Variants in DVL1 observed in about 807,000 individuals in gnomAD.
DVL1 encodes the protein segment polarity protein dishevelled homolog DVL-1.
Under a neutral mutation model 65.0 loss-of-function variants are expected in DVL1, and 49 were observed. The observed-to-expected ratio is 0.75, with a 90% CI of 0.60 to 0.96. DVL1 has a LOEUF of 0.96. Ranked by LOEUF, DVL1 falls within the 40% of genes least tolerant of loss-of-function variation. The pLI is 0.00. For missense variants in DVL1, 1,197 were observed against 1,045.4 expected (o/e 1.15, Z -2.00); for synonymous variants, 608 against 433.9 (o/e 1.40, Z -4.99).
chr1:1,340,135 T>C lies in DVL1; in HGVS notation c.812A>G (p.Asn271Ser), dbSNP rs1643740544. ...GTAGATGCCGCCGTCTCCACGGTCGTTGCTCTGCCCCACGATGCTGATGCC... is the reference window on the plus strand; with the variant it reads ...GTAGATGCCGCCGTCTCCACGGTCGCTGCTCTGCCCCACGATGCTGATGCC... Reference protein sequence around the residue: ...FLGISIVGQSNDRGDGGIYIG... With the variant: ...FLGISIVGQSSDRGDGGIYIG... Residue 271 changes from asparagine (N) to serine (S), a missense_variant, in exon 8 of 15, where the codon AAC becomes AGC. By Grantham distance (46) the Asn-to-Ser change is conservative. Coordinates refer to ENST00000378888, the MANE Select transcript of DVL1 (RefSeq NM_001330311.2). 3.7e-6 allele frequency: 6 copies of C among 1,613,622 alleles called. No individual in the cohort carries two copies. Among genetic ancestry groups the C allele is most frequent in the Non-Finnish European group, 5.1e-6 (6 of 1,179,998 alleles).
chr1:1,336,522 G>A lies in DVL1; in HGVS notation c.1715-7C>T, dbSNP rs988595463. 1.4e-5 allele frequency: 21 copies of A among 1,505,218 alleles called. No homozygotes were observed. Among genetic ancestry groups the A allele is most frequent in the Non-Finnish European group, 1.8e-5 (21 of 1,135,944 alleles). The allele number at this position is 1,505,218 out of a possible 1,614,324, so 93.2% of individuals were successfully genotyped here. ...GACCCACTGCTTTTGCTCCCTGGGA[G>A]TGAGAACAGGATGGGGAAGGAGCCT... is the stretch of plus-strand genomic sequence containing the variant. On this transcript the variant is annotated splice_region_variant and splice_polypyrimidine_tract_variant and intron_variant, in intron 14 of 14. Coordinates refer to ENST00000378888, the MANE Select transcript of DVL1 (RefSeq NM_001330311.2).
chr1:1,336,060 C>G lies in DVL1; in HGVS notation c.*82G>C. ...ACCCTGCCTCCCGTCCTGGCCCCCA[C>G]GAAGGCAAGCCCACGCGAGCTCTGC... On this transcript the variant is annotated 3_prime_UTR_variant, in exon 15 of 15. Transcript: ENST00000378888. 1.3e-6 allele frequency: 2 copies of G among 1,509,752 alleles called. No homozygotes were observed. Among genetic ancestry groups the G allele is most frequent in the East Asian group, 2.5e-5 (1 of 40,580 alleles). 93.5% of individuals were successfully genotyped at this position (1,509,752 alleles called of 1,614,324 possible). A position where few individuals can be genotyped will look rare whatever the true frequency, so the allele number is the denominator to read the frequency against.
In DVL1 at chr1:1,337,730, A is replaced by G. The variant is rs1019689626; in HGVS notation, c.1714+247T>C. On this transcript the variant is annotated intron_variant, in intron 14 of 14. Coordinates refer to ENST00000378888, the MANE Select transcript of DVL1 (RefSeq NM_001330311.2). ...TGTGAGACGCTTCCCTGTCCTCCCCATTCACACTGGCTCCTGGATCCCCCT... is the reference window on the plus strand; with the variant it reads ...TGTGAGACGCTTCCCTGTCCTCCCCGTTCACACTGGCTCCTGGATCCCCCT... 13 of 689,808 alleles carry G rather than the reference A, an allele frequency of 1.9e-5. No individual in the cohort carries two copies. In the Admixed American group the frequency reaches 2.4e-4, roughly 13 times the overall value. 42.7% of individuals were successfully genotyped at this position (689,808 alleles called of 1,614,324 possible).
intron 1 of DVL1, among the ~76,000 whole-genome samples, chr1:1,347,572 A>C (rs1260912857): frequency 6.6e-6 from 1 of 152,232 alleles, no homozygotes; most frequent in South Asian, 2.1e-4. Flanking sequence ...CATTTGCAAC[A>C]AACAGCATTA....
chr1:1,342,854 CAAT>C (rs1417538782), intron 1 of DVL1, 96 bp from the exon 2 acceptor site: 27 of 1,244,858 alleles, frequency 2.2e-5, no homozygotes, highest in Non-Finnish European at 3.0e-5. Flanking sequence ...CCTGCCCACA[CAAT>C]GTCACTCTGT....
At chr1:1,348,356 T>C (rs1261533309) in intron 1 of DVL1, among the ~76,000 whole-genome samples, 1 of 152,116 alleles carries the variant, frequency 6.6e-6, no homozygotes, top group Non-Finnish European at 1.5e-5. Context: ...AGGACACGGG[T>C]AGGCGAATAA....
intron 1 of DVL1, among the ~76,000 whole-genome samples, chr1:1,344,906 T>C (rs1259299318): frequency 6.6e-6 from 1 of 152,076 alleles, no homozygotes; most frequent in Non-Finnish European, 1.5e-5. Context: ...CCAGGTGGCC[T>C]GGCCGGCAGC....
In DVL1 at chr1:1,339,292, G is replaced by A. The variant is rs944936291; in HGVS notation, c.1202C>T (p.Ala401Val). 1.9e-6 allele frequency: 3 copies of A among 1,548,532 alleles called. No homozygotes were observed. The highest frequency in any genetic ancestry group is 2.6e-6 in the Non-Finnish European group (3 of 1,146,880). Reference sequence around the variant, plus strand: ...CCTCAGGAGCTGCCACTTACGTGGAGCACCAGGCACGGAGCTGGTTAGTGA... The same window carrying A: ...CCTCAGGAGCTGCCACTTACGTGGAACACCAGGCACGGAGCTGGTTAGTGA... ...SSSLTSSVPG[A>V]PQLEEAPLTV... is the part of the protein sequence containing the mutation. Residue 401 changes from alanine to valine, a missense_variant, in exon 11 of 15, where the codon GCT (alanine) becomes GTT (valine). Ala to Val is a moderately conservative substitution (Grantham distance 64, BLOSUM62 0). Transcript: ENST00000378888.
rs368265757 is a variant in DVL1 at position 1,336,403 on chromosome 1, C to T, written c.1827G>A (p.Pro609=). The T allele has an allele frequency of 6.9e-5, 111 of 1,599,254 alleles. No homozygotes were observed. Among genetic ancestry groups the T allele is most frequent in the African/African-American group, 6.0e-4 (45 of 74,864 alleles). ...GSGSESDHTA[P]SGVGSSWRER... Reference sequence around the variant, plus strand: ...CTCGCCAGCTGCTCCCCACCCCACTCGGTGCCGTGTGATCCGATTCACTGC... The same window carrying T: ...CTCGCCAGCTGCTCCCCACCCCACTTGGTGCCGTGTGATCCGATTCACTGC... The change falls in exon 15 of 15, where the codon CCG becomes CCA. Residue 609 remains proline, a synonymous_variant. Coordinates refer to ENST00000378888, the MANE Select transcript of DVL1 (RefSeq NM_001330311.2).
At chr1:1,346,415 G>A (rs942379826) in intron 1 of DVL1, among the ~76,000 whole-genome samples, 5 of 152,272 alleles carry the variant, frequency 3.3e-5, no homozygotes, top group African/African-American at 7.2e-5. Flanking sequence ...GTGGGGACCC[G>A]GAGCCAAACA....
intron 3 of DVL1, 37 bp downstream of exon 3, chr1:1,342,326 T>C (rs1438467898): frequency 1.3e-6 from 2 of 1,536,948 alleles, no homozygotes; most frequent in Non-Finnish European, 8.8e-7. Context: ...CATGACAGGC[T>C]TGGGGTAGCA....
chr1:1,345,335 G>A (rs901670631), intron 1 of DVL1, among the ~76,000 whole-genome samples: 7 of 152,190 alleles, frequency 4.6e-5, no homozygotes, highest in Non-Finnish European at 2.9e-5. Flanking sequence ...AGGAGAAAGG[G>A]AGCAGGACCC....
chr1:1,340,538 A>C, intron 5 of DVL1, 35 bp from the exon 6 acceptor site: 1 of 1,565,622 alleles, frequency 6.4e-7, no homozygotes, highest in East Asian at 2.3e-5. Context: ...GAGGAGCTGG[A>C]GACATGGGTA....
At chr1:1,340,208 C>A (rs1643744088) in intron 7 of DVL1, 31 bp from the exon 8 acceptor site, 2 of 1,613,744 alleles carry the variant, frequency 1.2e-6, no homozygotes, top group Non-Finnish European at 1.7e-6. Flanking sequence ...CGCGGCCAAG[C>A]CCCTGCCCCT....
intron 4 of DVL1, 95 bp from the exon 5 acceptor site, chr1:1,341,900 G>A: frequency 6.8e-7 from 1 of 1,478,520 alleles, no homozygotes; most frequent in Middle Eastern, 1.8e-4. Flanking sequence ...GTGGGTCTGG[G>A]AGCTGGCAGC....
In DVL1 at chr1:1,339,513, G is replaced by A. The variant is rs546864912; in HGVS notation, c.1054+69C>T. ...GGAGGGCAGGGTGCAGGGCACAGAG[G>A]AGAGAGGCCTTCAGGCTAGGTAGGC... On this transcript the variant is annotated intron_variant, in intron 10 of 14. Coordinates refer to ENST00000378888, the MANE Select transcript of DVL1 (RefSeq NM_001330311.2). 8.1e-5 allele frequency: 126 copies of A among 1,552,022 alleles called. No homozygotes were observed. In the African/African-American group the frequency reaches 1.5e-3, roughly 18 times the overall value.
chr1:1,344,822 GC>G (rs1337585850), intron 1 of DVL1, among the ~76,000 whole-genome samples: 3 of 152,162 alleles, frequency 2.0e-5, no homozygotes, highest in Admixed American at 2.0e-4. Context: ...CCCACAGTGA[GC>G]CCTTGTCTCT....
rs542453128 is a variant in DVL1, at chr1:1,338,291, G to A, written c.1485C>T (p.Tyr495=). 2.0e-5 allele frequency: 30 copies of A among 1,530,582 alleles called. No homozygotes were observed. In the Middle Eastern group the frequency reaches 5.3e-4, roughly 27 times the overall value. 94.8% of individuals were successfully genotyped at this position (1,530,582 alleles called of 1,614,324 possible). Residue 495 remains tyrosine, a synonymous_variant, in exon 13 of 15, where the codon TAC becomes TAT. Transcript: ENST00000378888. ...NKITFSEQCY[Y]VFGDLCSNLA... ...CACTGCTGCAGAGATCCCCGAAGAC[G>A]TAGTAGCACTGCTCGGAGAAGGTGA...
In DVL1 at chr1:1,342,090, G is replaced by A; in HGVS notation, c.429C>T (p.His143=). The stretch of plus-strand genomic sequence containing the variant: ...TCCGGCGTCGGGCACGCTCCCGCCG[G>A]TGACTGACCATGGACTCCGTGCCTG... ...NETGTESMVS[H]RRERARRRNR... is the part of the protein sequence containing the mutation. The change falls in exon 4 of 15, where the codon CAC becomes CAT. Residue 143 remains histidine (H), a synonymous_variant. Transcript: ENST00000378888. The A allele has an allele frequency of 6.3e-7, 1 of 1,594,882 alleles. No homozygotes were observed.
Sources: gnomAD v4.1 joint callset for allele counts (sites outside exome capture counted in the v4.1 genomes callset) on GRCh38, gnomAD v4.1.1 for gene constraint, MANE v1.5 for transcripts, NCBI Gene and HGNC (gene_info 2026-07-23, HGNC 2026-07-21) for gene names.